The following ZNF329 variants were observed in gnomAD, a reference collection of about 807,000 sequenced individuals.
ZNF329 encodes zinc finger protein 329.
ZNF329 carries 15 observed loss-of-function variants against 26.6 expected under a neutral mutation model. The ratio of observed to expected loss-of-function variants is 0.56; its 90% CI spans 0.38 to 0.87. The LOEUF is 0.87. Ranked by LOEUF, ZNF329 falls within the 40% of genes least tolerant of loss-of-function variation. The pLI is 0.00. For missense variants in ZNF329, 651 were observed against 651.9 expected (o/e 1.00, Z 0.02); for synonymous variants, 239 against 233.5 (o/e 1.02, Z -0.21).
At chr19:58,137,319 C>T (rs906271096) in intron 3 of ZNF329, among the ~76,000 whole-genome samples, 7 of 151,748 alleles carry the variant, frequency 4.6e-5, no homozygotes, top group East Asian at 2.0e-4. Flanking sequence ...TTTGGGAGGC[C>T]GAGGCAGGTG....
intron 3 of ZNF329, among the ~76,000 whole-genome samples, chr19:58,135,310 G>A (rs185400885): frequency 1.3e-3 from 194 of 151,574 alleles, no homozygotes; most frequent in Non-Finnish European, 1.6e-3. Context: ...CACTCTTGTC[G>A]CCAAGGCTAG....
chr19:58,150,401 A>G (rs1366507327), intron 1 of ZNF329, among the ~76,000 whole-genome samples: 1 of 152,180 alleles, frequency 6.6e-6, no homozygotes, highest in African/African-American at 2.4e-5. Context: ...GGACCAGGAC[A>G]CCCAGCAGGC....
At chr19:58,150,912 G>A (rs541706076), upstream of ZNF329, 6 of 152,560 alleles carry the variant, frequency 3.9e-5, no homozygotes, top group South Asian at 1.2e-3. Context: ...TTGCCTCGGG[G>A]CGGACGCGCA....
intron 3 of ZNF329, among the ~76,000 whole-genome samples, chr19:58,139,609 C>T (rs188634653): frequency 6.6e-6 from 1 of 152,292 alleles, no homozygotes; most frequent in Admixed American, 6.5e-5. Context: ...AAAGGTTCTA[C>T]CCTCGTGACC....
upstream of ZNF329, among the ~76,000 whole-genome samples, chr19:58,152,973 G>A (rs1480413833): frequency 6.6e-6 from 1 of 152,134 alleles, no homozygotes; most frequent in Non-Finnish European, 1.5e-5. Flanking sequence ...TATGCAAGAA[G>A]AGATGAGTAA....
chr19:58,152,416 C>T (rs576151587), upstream of ZNF329, among the ~76,000 whole-genome samples: 145 of 141,614 alleles, frequency 1.0e-3, 1 homozygote, highest in South Asian at 0.03. Flanking sequence ...AATCCTAGTA[C>T]TCGGTCTCAA....
At chr19:58,149,594 G>T (rs1334564784) in intron 1 of ZNF329, among the ~76,000 whole-genome samples, 1 of 152,180 alleles carries the variant, frequency 6.6e-6, no homozygotes, top group African/African-American at 2.4e-5. Flanking sequence ...GTTGGGTGAA[G>T]AGAGAGGTAA....
intron 1 of ZNF329, among the ~76,000 whole-genome samples, chr19:58,144,173 T>C (rs1049902791): frequency 7.9e-5 from 12 of 151,840 alleles, no homozygotes; most frequent in Admixed American, 2.6e-4. Flanking sequence ...GTTGTTGTTA[T>C]TTTTTATTTT....
At chr19:58,132,697 A>G (rs1422018861) in intron 3 of ZNF329, 2 of 152,332 alleles carry the variant, frequency 1.3e-5, no homozygotes, top group African/African-American at 4.8e-5. Flanking sequence ...AAAAAAAAAA[A>G]GAAAACATAA....
intron 3 of ZNF329, among the ~76,000 whole-genome samples, chr19:58,140,232 A>C (rs1261535034): frequency 6.6e-6 from 1 of 152,162 alleles, no homozygotes; most frequent in East Asian, 1.9e-4. Context: ...TAGTGCCCCC[A>C]GAATTGTATT....
intron 3 of ZNF329, among the ~76,000 whole-genome samples, chr19:58,141,365 C>G (rs1310352658): frequency 1.3e-5 from 2 of 151,922 alleles, no homozygotes; most frequent in Non-Finnish European, 2.9e-5. Context: ...GTGGAGCGAT[C>G]TCAGCTCACT....
At chr19:58,144,376 C>CTATA (rs1568672141) in intron 1 of ZNF329, among the ~76,000 whole-genome samples, 2 of 82,314 alleles carry the variant, frequency 2.4e-5, no homozygotes, top group African/African-American at 4.5e-5. Context: ...ATCTATCTAT[C>CTATA]TATCTATATA....
At chr19:58,135,213 C>T (rs1201989096) in intron 3 of ZNF329, among the ~76,000 whole-genome samples, 1 of 152,104 alleles carries the variant, frequency 6.6e-6, no homozygotes, top group Non-Finnish European at 1.5e-5. Context: ...TCATGAGTAG[C>T]TGGGACTATA....
intron 3 of ZNF329, among the ~76,000 whole-genome samples, chr19:58,130,773 A>G (rs528331143): frequency 6.6e-6 from 1 of 152,036 alleles, no homozygotes; most frequent in African/African-American, 2.4e-5. Flanking sequence ...CTTCATGCAT[A>G]TCAATCTTCC....
chr19:58,152,118 A>C (rs1171216166), upstream of ZNF329, among the ~76,000 whole-genome samples: 3 of 152,224 alleles, frequency 2.0e-5, no homozygotes, highest in African/African-American at 7.2e-5. Context: ...AATTAGCAAA[A>C]GCAATAAAGG....
intron 3 of ZNF329, among the ~76,000 whole-genome samples, chr19:58,135,330 G>C (rs2075040331): frequency 6.6e-6 from 1 of 152,008 alleles, no homozygotes; most frequent in Non-Finnish European, 1.5e-5. Flanking sequence ...GAGTGCAGTG[G>C]CACGATCTCG....
At chr19:58,147,131 G>C (rs1219486997) in intron 1 of ZNF329, among the ~76,000 whole-genome samples, 2 of 139,982 alleles carry the variant, frequency 1.4e-5, no homozygotes, top group African/African-American at 2.8e-5. Flanking sequence ...GCCGCCCATC[G>C]TCTGAGATGT....
intron 1 of ZNF329, among the ~76,000 whole-genome samples, chr19:58,148,391 T>TAA (rs1241009357): frequency 0.014 from 1,504 of 103,800 alleles, 15 homozygotes; most frequent in Middle Eastern, 0.032. Flanking sequence ...AATGATCAAT[T>TAA]AAAAAAAAAA....
chr19:58,144,376 CTATCTATATA>C (rs1456161842), intron 1 of ZNF329, among the ~76,000 whole-genome samples: 1,107 of 82,342 alleles, frequency 0.013, 15 homozygotes, highest in African/African-American at 0.048. Context: ...ATCTATCTAT[CTATCTATATA>C]TATATATATA....
Sources: gnomAD v4.1 joint callset for allele counts (sites outside exome capture counted in the v4.1 genomes callset) on GRCh38, gnomAD v4.1.1 for gene constraint, MANE v1.5 for transcripts, NCBI Gene and HGNC (gene_info 2026-07-23, HGNC 2026-07-21) for gene names.